SMARCA2: variants seen among roughly 807,000 people sequenced by gnomAD.
SMARCA2 encodes the protein SWI/SNF related BAF chromatin remodeling complex subunit ATPase 2, also known as SWI/SNF-related matrix-associated actin-dependent regulator of chromatin subfamily A member 2.
Under a neutral mutation model 199.8 loss-of-function variants are expected in SMARCA2, and 61 were observed. That is an observed-to-expected ratio of 0.31 (90% CI 0.25 to 0.38). SMARCA2 has a LOEUF of 0.38. Among genes scored for constraint, SMARCA2 ranks in the 10% least tolerant of loss-of-function variants. The pLI, the probability that SMARCA2 is intolerant of heterozygous loss-of-function variation, is 1.00. For synonymous variants in SMARCA2, 935 were observed against 732.0 expected (o/e 1.28, Z -4.48); for missense variants, 1,344 against 2,012.2 (o/e 0.67, Z 6.35).
chr9:2,097,013 A>T (rs1359206760), intron 20 of SMARCA2: 2 of 527,142 alleles, frequency 3.8e-6, no homozygotes, highest in African/African-American at 3.8e-5. Context: ...TTTGCAGCAA[A>T]TATATTCTGC....
At chr9:2,171,358 G>A (rs1228918677) in intron 29 of SMARCA2, among the ~76,000 whole-genome samples, 1 of 152,158 alleles carries the variant, frequency 6.6e-6, no homozygotes, top group African/African-American at 2.4e-5. Flanking sequence ...TCTAGGACTG[G>A]AGAGAGAGAA....
chr9:2,084,117 C>T lies in SMARCA2; in HGVS notation c.2447C>T (p.Pro816Leu). The T allele has an allele frequency of 6.2e-7, 1 of 1,612,602 alleles. No individual in the cohort carries two copies. Among genetic ancestry groups the T allele is most frequent in the Non-Finnish European group, 8.5e-7 (1 of 1,178,736 alleles). ...CCTGCCATGCGTCGCTCCCTTGTCC[C>T]CCAGCTACGGAGTGGCAAATTCAAT... ...GTPAMRRSLV[P>L]QLRSGKFNVL... Residue 816 changes from proline (P) to leucine (L), a missense_variant, in exon 17 of 34, where the codon CCC becomes CTC. Around this residue, in one of 18 missense-constraint regions of SMARCA2, gnomAD observed 50 missense variants for 81.6 expected, o/e 0.61. Coordinates refer to ENST00000349721, the MANE Select transcript of SMARCA2 (RefSeq NM_003070.5).
At chr9:2,155,700 C>T (rs1825322232) in intron 27 of SMARCA2, among the ~76,000 whole-genome samples, 1 of 139,676 alleles carries the variant, frequency 7.2e-6, no homozygotes, top group African/African-American at 2.6e-5. Flanking sequence ...GTGCTTATGG[C>T]ATATGGGGAA....
At chr9:2,101,260 G>C (rs963578140) in intron 21 of SMARCA2, among the ~76,000 whole-genome samples, 1 of 152,052 alleles carries the variant, frequency 6.6e-6, no homozygotes, top group Middle Eastern at 3.2e-3. Flanking sequence ...CTAGAGGGTG[G>C]ATCTCCAGAA....
intron 4 of SMARCA2, chr9:2,044,056 G>A (rs986946761): frequency 6.6e-6 from 1 of 152,180 alleles, no homozygotes; most frequent in East Asian, 1.9e-4. Flanking sequence ...TAGAGGAGAC[G>A]ATTTCTGTCG....
intron 32 of SMARCA2, among the ~76,000 whole-genome samples, chr9:2,188,039 A>AAGG (rs1339630369): frequency 2.6e-5 from 4 of 152,202 alleles, no homozygotes; most frequent in Non-Finnish European, 5.9e-5. Context: ...ACCTTTTCAA[A>AAGG]TATATTAAAA....
intron 4 of SMARCA2, chr9:2,041,258 T>A (rs1819592401): frequency 2.5e-6 from 1 of 398,352 alleles, no homozygotes; most frequent in South Asian, 1.3e-4. Context: ...ATGGATGTCT[T>A]AGTAAGTCTG....
chr9:2,039,022 G>A lies in SMARCA2; in HGVS notation c.356-444G>A, dbSNP rs548548769. Among the ~76,000 whole-genome samples, 13 of 152,198 alleles carry A rather than the reference G, an allele frequency of 8.5e-5. No individual in the cohort carries two copies. Among genetic ancestry groups the A allele is most frequent in the African/African-American group, 2.9e-4 (12 of 41,530 alleles). On this transcript the variant is annotated intron_variant, in intron 3 of 33. Transcript: ENST00000349721. The surrounding 1 kb of genome is among the most constrained non-coding windows in gnomAD (Gnocchi z 4.8). ...TTAGTGGTGAACAACAACCACTAAC[G>A]GTTTACCTTCTAGGACACATGTAGC...
At chr9:2,189,326 G>A (rs981222582) in intron 32 of SMARCA2, among the ~76,000 whole-genome samples, 2 of 152,066 alleles carry the variant, frequency 1.3e-5, no homozygotes, top group Admixed American at 6.5e-5. Flanking sequence ...AGTCTGTCAG[G>A]TGGGTTTTTT....
chr9:2,034,286 A>G (rs1004945477), intron 3 of SMARCA2, among the ~76,000 whole-genome samples: 1 of 151,666 alleles, frequency 6.6e-6, no homozygotes, highest in African/African-American at 2.4e-5. Context: ...AGTAAGGCAC[A>G]TTCCCAGGTA....
At chr9:2,181,524 G>C in intron 29 of SMARCA2, 47 bp from the exon 30 acceptor site, 1 of 895,976 alleles carries the variant, frequency 1.1e-6, no homozygotes, top group Middle Eastern at 2.2e-4. Flanking sequence ...CCTTTCCTCA[G>C]TAATGTTTGA....
At chr9:2,142,412 G>A (rs1418328084) in intron 27 of SMARCA2, among the ~76,000 whole-genome samples, 1 of 152,094 alleles carries the variant, frequency 6.6e-6, no homozygotes, top group Non-Finnish European at 1.5e-5. Flanking sequence ...ACTTCCTTAT[G>A]CTTGCTTAAA....
intron 24 of SMARCA2, among the ~76,000 whole-genome samples, chr9:2,111,846 T>G (rs1823020830): frequency 6.6e-6 from 1 of 152,152 alleles, no homozygotes; most frequent in Admixed American, 6.5e-5. Flanking sequence ...AGCACTGATT[T>G]AAAGACTCAA....
chr9:2,154,889 T>A (rs1586763166), intron 27 of SMARCA2, among the ~76,000 whole-genome samples: 1 of 152,200 alleles, frequency 6.6e-6, no homozygotes, highest in African/African-American at 2.4e-5. Flanking sequence ...GGAGCCCTGC[T>A]CAACAGACAA....
At chr9:2,029,859 A>G (rs983954018) in intron 2 of SMARCA2, among the ~76,000 whole-genome samples, 1 of 152,228 alleles carries the variant, frequency 6.6e-6, no homozygotes, top group Non-Finnish European at 1.5e-5. Flanking sequence ...GGTTGTAATT[A>G]TCCTTTATTT....
intron 25 of SMARCA2, among the ~76,000 whole-genome samples, chr9:2,117,699 T>G (rs1275920627): frequency 6.6e-6 from 1 of 152,026 alleles, no homozygotes; most frequent in Non-Finnish European, 1.5e-5. Context: ...CCGCAGGGAG[T>G]TGCTGATCTC....
chr9:2,183,667 G>A (rs767280225), intron 31 of SMARCA2, among the ~76,000 whole-genome samples: 6 of 152,150 alleles, frequency 3.9e-5, no homozygotes, highest in Non-Finnish European at 8.8e-5. Flanking sequence ...AATGTGCCTT[G>A]AACAGACTTA....
chr9:2,113,542 C>T (rs1347815797), intron 24 of SMARCA2, among the ~76,000 whole-genome samples: 1 of 152,152 alleles, frequency 6.6e-6, no homozygotes, highest in Non-Finnish European at 1.5e-5. Context: ...TCACAATATT[C>T]CCCCCACATT....
intron 21 of SMARCA2, among the ~76,000 whole-genome samples, chr9:2,101,131 T>C (rs943473861): frequency 2.0e-5 from 3 of 152,156 alleles, no homozygotes; most frequent in African/African-American, 7.2e-5. Context: ...CAAGATGAGA[T>C]TTGAGTAGGG....
Sources: allele counts gnomAD v4.1 joint callset (sites outside exome capture counted in the v4.1 genomes callset), GRCh38; gene constraint gnomAD v4.1.1; regional missense constraint gnomAD v4.1.1; non-coding constraint Gnocchi (gnomAD v3.1); transcripts MANE v1.5; gene names NCBI Gene and HGNC (gene_info 2026-07-23, HGNC 2026-07-21).